The following KCNIP3 variants were observed in gnomAD, a reference collection of about 807,000 sequenced individuals.
KCNIP3 encodes calsenilin.
In KCNIP3, 28 loss-of-function variants were observed where a neutral mutation model predicts 35.0. The observed-to-expected ratio is 0.80, with a 90% CI of 0.59 to 1.10. The LOEUF is 1.10. Ranked by LOEUF, KCNIP3 falls within the 50% of genes least tolerant of loss-of-function variation. The pLI, the probability that KCNIP3 is intolerant of heterozygous loss-of-function variation, is 0.00. For missense variants in KCNIP3, 295 were observed against 338.4 expected (o/e 0.87, Z 1.01); for synonymous variants, 134 against 133.8 (o/e 1.00, Z -0.01).
At chr2:95,353,021 G>A (rs901495706) in intron 2 of KCNIP3, among the ~76,000 whole-genome samples, 4 of 152,220 alleles carry the variant, frequency 2.6e-5, no homozygotes, top group African/African-American at 9.6e-5. Context: ...CTATCCCAAT[G>A]CCTATAGTCC....
At chr2:95,368,519 C>A in intron 2 of KCNIP3, 1 of 294,654 alleles carries the variant, frequency 3.4e-6, no homozygotes, top group Non-Finnish European at 6.8e-6. Context: ...TCCTCAATAA[C>A]CTATGGAAAT....
At chr2:95,310,229 C>A in intron 1 of KCNIP3, 126 bp from the exon 2 acceptor site, 1 of 1,127,352 alleles carries the variant, frequency 8.9e-7, no homozygotes, top group Non-Finnish European at 1.3e-6. Flanking sequence ...GGCATGCAGC[C>A]CCGGAAGGTG....
At chr2:95,350,355 C>T (rs773154631) in intron 2 of KCNIP3, among the ~76,000 whole-genome samples, 3 of 152,208 alleles carry the variant, frequency 2.0e-5, no homozygotes, top group Non-Finnish European at 4.4e-5. Context: ...TTGTCTCCCC[C>T]AGCTGCGGGT....
intron 1 of KCNIP3, chr2:95,298,706 T>C (rs1004390629): frequency 5.9e-5 from 9 of 152,142 alleles, no homozygotes; most frequent in African/African-American, 2.2e-4. Flanking sequence ...TCAGCTGAGG[T>C]GATGGCATGA....
In KCNIP3 at chr2:95,382,310, C is replaced by G. The variant is rs1452684657; in HGVS notation, c.556-67C>G. The G allele has an allele frequency of 2.8e-6, 3 of 1,063,398 alleles. No individual in the cohort carries two copies. The highest frequency in any genetic ancestry group is 4.0e-6 in the Non-Finnish European group (3 of 741,362). The allele number at this position is 1,063,398 out of a possible 1,614,324, so 65.9% of individuals were successfully genotyped here. The stretch of plus-strand genomic sequence containing the variant: ...GGTGCCCTGCACCCTTGGATGCCGC[C>G]CGCTCCCTTTGGGCCCTCACAGCCA... On this transcript the variant is annotated intron_variant, in intron 6 of 8. Transcript: ENST00000295225. This position sits in a 1 kb window ranked among gnomAD's most constrained non-coding sequence, Gnocchi z 4.5.
At chr2:95,374,745 A>G in intron 3 of KCNIP3, 103 bp from the exon 4 acceptor site, 1 of 1,339,158 alleles carries the variant, frequency 7.5e-7, no homozygotes. Flanking sequence ...CACAGGCAGC[A>G]GGCAGCCCCC....
At chr2:95,336,181 C>T (rs556440489) in intron 2 of KCNIP3, among the ~76,000 whole-genome samples, 1 of 152,328 alleles carries the variant, frequency 6.6e-6, no homozygotes, top group South Asian at 2.1e-4. Flanking sequence ...AGTTTGTTCT[C>T]ACTTTATCTT....
rs1680240906 is a variant in KCNIP3, at chr2:95,377,710, G to A, written c.447+2502G>A. Among the ~76,000 whole-genome samples the A allele has an allele frequency of 1.3e-5, 2 of 152,244 alleles. No individual in the cohort carries two copies. The highest frequency in any genetic ancestry group is 2.4e-5 in the African/African-American group (1 of 41,458). ...GCTGGCTGGACTTGGGGTCATCTGTGTATTACCTTTATGAATGGAGACTAG... is the reference window on the plus strand; with the variant it reads ...GCTGGCTGGACTTGGGGTCATCTGTATATTACCTTTATGAATGGAGACTAG... On this transcript the variant is annotated intron_variant, in intron 5 of 8. Transcript: ENST00000295225. This position sits in a 1 kb window ranked among gnomAD's most constrained non-coding sequence, Gnocchi z 4.7.
intron 2 of KCNIP3, among the ~76,000 whole-genome samples, chr2:95,371,020 C>T (rs1424740532): frequency 2.0e-5 from 3 of 152,172 alleles, no homozygotes; most frequent in East Asian, 3.9e-4. Flanking sequence ...CCACCTGCCT[C>T]GGCCTCCCAA....
At chr2:95,323,719 C>T (rs553401152) in intron 2 of KCNIP3, among the ~76,000 whole-genome samples, 1 of 152,232 alleles carries the variant, frequency 6.6e-6, no homozygotes, top group Non-Finnish European at 1.5e-5. Context: ...AGGATGTGTC[C>T]TGGCTCCCGA....
In KCNIP3 at chr2:95,310,457, C is replaced by G; in HGVS notation, c.118C>G (p.Gln40Glu). The G allele has an allele frequency of 2.5e-6, 4 of 1,613,526 alleles. No individual in the cohort carries two copies. Among genetic ancestry groups the G allele is most frequent in the Non-Finnish European group, 3.4e-6 (4 of 1,179,950 alleles). Reference sequence around the variant, plus strand: ...GTGGCAGAGGCCGAGGCTCAGCCGCCAGGCTTTGATGAGATGCTGCCTGGT... The same window carrying G: ...GTGGCAGAGGCCGAGGCTCAGCCGCGAGGCTTTGATGAGATGCTGCCTGGT... Reference protein sequence around the residue: ...IKWQRPRLSRQALMRCCLVKW... With the variant: ...IKWQRPRLSREALMRCCLVKW... The change falls in exon 2 of 9, where the codon CAG becomes GAG. Residue 40 changes from glutamine (Q) to glutamate (E), a missense_variant. Coordinates refer to ENST00000295225, the MANE Select transcript of KCNIP3 (RefSeq NM_013434.5).
At chr2:95,344,119 T>C (rs1274902095) in intron 2 of KCNIP3, among the ~76,000 whole-genome samples, 8 of 152,164 alleles carry the variant, frequency 5.3e-5, no homozygotes, top group Non-Finnish European at 1.2e-4. Flanking sequence ...TTTTTTTGCA[T>C]GTCCCTCACC....
chr2:95,301,689 G>C (rs1477240103), intron 1 of KCNIP3, among the ~76,000 whole-genome samples: 1 of 152,142 alleles, frequency 6.6e-6, no homozygotes, highest in Non-Finnish European at 1.5e-5. Context: ...CCACCAAGAG[G>C]CAATTTGGCC....
At chr2:95,364,606 C>T (rs1679876195) in intron 2 of KCNIP3, among the ~76,000 whole-genome samples, 1 of 152,124 alleles carries the variant, frequency 6.6e-6, no homozygotes, top group African/African-American at 2.4e-5. Context: ...TGAGTGAGTT[C>T]TCTCCATGAG....
chr2:95,376,036 C>T lies in KCNIP3; in HGVS notation c.447+828C>T, dbSNP rs1456077407. 1.3e-5 allele frequency among the ~76,000 whole-genome samples: 2 copies of T among 152,224 alleles called. No individual in the cohort carries two copies. Among genetic ancestry groups the T allele is most frequent in the African/African-American group, 4.8e-5 (2 of 41,446 alleles). On this transcript the variant is annotated intron_variant, in intron 5 of 8. Transcript: ENST00000295225. This position sits in a 1 kb window ranked among gnomAD's most constrained non-coding sequence, Gnocchi z 4.2. Reference sequence around the variant, plus strand: ...AGCTGCGCGGGTTATTTTTATGCCGCAAGCCCGCCAGGCACACTGACGCTC... The same window carrying T: ...AGCTGCGCGGGTTATTTTTATGCCGTAAGCCCGCCAGGCACACTGACGCTC...
At chr2:95,320,754 C>T (rs1036698351) in intron 2 of KCNIP3, among the ~76,000 whole-genome samples, 3 of 152,134 alleles carry the variant, frequency 2.0e-5, no homozygotes, top group Admixed American at 6.5e-5. Flanking sequence ...CTCCAGGGGA[C>T]ACATTCAGAT....
At chr2:95,319,764 C>G (rs1279839024) in intron 2 of KCNIP3, among the ~76,000 whole-genome samples, 2 of 152,212 alleles carry the variant, frequency 1.3e-5, no homozygotes, top group African/African-American at 4.8e-5. Context: ...TTTTACCTGC[C>G]TCACAGGCTC....
intron 2 of KCNIP3, chr2:95,368,669 A>G (rs908772450): frequency 6.6e-6 from 2 of 300,912 alleles, no homozygotes; most frequent in Non-Finnish European, 1.4e-5. Context: ...CTACCAGTGT[A>G]CAGTGTCTGT....
chr2:95,335,776 C>T (rs1679045616), intron 2 of KCNIP3, among the ~76,000 whole-genome samples: 1 of 151,840 alleles, frequency 6.6e-6, no homozygotes, highest in Non-Finnish European at 1.5e-5. Context: ...TAATTCCATG[C>T]TTTTCTCTCT....
Sources: gnomAD v4.1 joint callset for allele counts (sites outside exome capture counted in the v4.1 genomes callset) on GRCh38, gnomAD v4.1.1 for gene constraint, Gnocchi (gnomAD v3.1) non-coding constraint, MANE v1.5 for transcripts, NCBI Gene and HGNC (gene_info 2026-07-23, HGNC 2026-07-21) for gene names.